The following NFIB variants were observed in gnomAD, a reference collection of about 807,000 sequenced individuals.
NFIB encodes nuclear factor I B.
Under a neutral mutation model 61.5 loss-of-function variants are expected in NFIB, and 11 were observed. The ratio of observed to expected loss-of-function variants is 0.18; its 90% CI spans 0.11 to 0.30. NFIB has a LOEUF of 0.30. Ranked by LOEUF, NFIB falls within the 10% of genes least tolerant of loss-of-function variation. The probability of loss-of-function intolerance (pLI) is 1.00; values close to 1 mark genes in which losing one functional copy is unlikely to be tolerated. For synonymous variants in NFIB, 260 were observed against 216.5 expected (o/e 1.20, Z -1.76); for missense variants, 471 against 608.9 (o/e 0.77, Z 2.38).
intron 6 of NFIB, among the ~76,000 whole-genome samples, chr9:14,130,424 C>T (rs1448611201): frequency 6.6e-6 from 1 of 152,142 alleles, no homozygotes; most frequent in African/African-American, 2.4e-5. Context: ...ACGCATAGAA[C>T]AATGTTTTAT....
the NFIB span, among the ~76,000 whole-genome samples, chr9:14,434,116 T>C: frequency 1.3e-5 from 2 of 152,224 alleles, no homozygotes; most frequent in Non-Finnish European, 2.9e-5. Flanking sequence ...ATTTTCTTAA[T>C]ATTTGGAAAG....
intron 1 of NFIB, among the ~76,000 whole-genome samples, chr9:14,338,330 G>T (rs949830951): frequency 6.6e-6 from 1 of 152,046 alleles, no homozygotes; most frequent in African/African-American, 2.4e-5. Flanking sequence ...GGAGGCGGAG[G>T]TTGCAGTGAG....
chr9:14,358,516 A>T (rs12376284), intron 1 of NFIB, among the ~76,000 whole-genome samples: 5,441 of 152,286 alleles, frequency 0.036, 141 homozygotes, highest in East Asian at 0.11. Context: ...AACTTTGCTG[A>T]AAGTTTTTTC....
At chr9:14,208,609 A>G (rs2049997811) in intron 2 of NFIB, among the ~76,000 whole-genome samples, 1 of 150,236 alleles carries the variant, frequency 6.7e-6, no homozygotes, top group Admixed American at 6.7e-5. Context: ...CTTTTGATAG[A>G]GTGGTATAAA....
At chr9:14,444,729 A>G in the NFIB span, among the ~76,000 whole-genome samples, 3 of 152,178 alleles carry the variant, frequency 2.0e-5, no homozygotes, top group African/African-American at 4.8e-5. Flanking sequence ...AAATTGTGAA[A>G]TATGTCAGAA....
chr9:14,447,819 C>G, the NFIB span, among the ~76,000 whole-genome samples: 36 of 152,214 alleles, frequency 2.4e-4, no homozygotes, highest in African/African-American at 8.7e-4. Context: ...TCATTTGTTT[C>G]AACAAATGAT....
chr9:14,400,255 A>G (rs2061729976), upstream of NFIB, among the ~76,000 whole-genome samples: 1 of 152,190 alleles, frequency 6.6e-6, no homozygotes, highest in Non-Finnish European at 1.5e-5. Context: ...CACTCAGTAA[A>G]TGCACAGGGA....
At chr9:14,377,254 T>G (rs2061430588) in intron 1 of NFIB, among the ~76,000 whole-genome samples, 1 of 152,206 alleles carries the variant, frequency 6.6e-6, no homozygotes, top group South Asian at 2.1e-4. Context: ...AGAGTCTCAC[T>G]CTGTTCCCAA....
the NFIB span, among the ~76,000 whole-genome samples, chr9:14,516,756 C>T: frequency 5.9e-5 from 9 of 152,292 alleles, no homozygotes; most frequent in African/African-American, 1.4e-4. Context: ...TGCCCTTAAT[C>T]CTTCTTTCAA....
intron 2 of NFIB, among the ~76,000 whole-genome samples, chr9:14,193,591 T>C (rs571209496): frequency 1.3e-5 from 2 of 152,132 alleles, no homozygotes; most frequent in East Asian, 3.9e-4. Flanking sequence ...ATAAGAAAAA[T>C]TACAAAATAA....
intron 2 of NFIB, among the ~76,000 whole-genome samples, chr9:14,289,273 C>T (rs1458783784): frequency 1.3e-5 from 2 of 150,540 alleles, no homozygotes; most frequent in Admixed American, 6.6e-5. Flanking sequence ...TATACATGTA[C>T]ATACATTAAT....
chr9:14,324,996 T>C (rs2060736512), intron 1 of NFIB, among the ~76,000 whole-genome samples: 1 of 152,110 alleles, frequency 6.6e-6, no homozygotes, highest in African/African-American at 2.4e-5. Context: ...TTATGGTCTT[T>C]TAATCTACAA....
At chr9:14,491,434 G>GA in the NFIB span, among the ~76,000 whole-genome samples, 6 of 152,170 alleles carry the variant, frequency 3.9e-5, no homozygotes, top group African/African-American at 9.6e-5. Context: ...GGAAGTGTGG[G>GA]AAAAAATCAT....
the NFIB span, among the ~76,000 whole-genome samples, chr9:14,406,441 A>T: frequency 1.3e-5 from 2 of 152,192 alleles, no homozygotes; most frequent in Admixed American, 6.5e-5. Flanking sequence ...TCTGGACCTG[A>T]TGGGGAAGAT....
chr9:14,455,539 C>T, the NFIB span, among the ~76,000 whole-genome samples: 2 of 152,028 alleles, frequency 1.3e-5, no homozygotes, highest in South Asian at 2.1e-4. Context: ...GAAAACAAAA[C>T]TTGTGGATTA....
intron 2 of NFIB, among the ~76,000 whole-genome samples, chr9:14,290,404 C>T (rs563669617): frequency 2.0e-5 from 3 of 152,158 alleles, no homozygotes; most frequent in South Asian, 2.1e-4. Flanking sequence ...AAGTATTGCA[C>T]GTCTACAATA....
chr9:14,473,625 G>T, the NFIB span, among the ~76,000 whole-genome samples: 1 of 152,128 alleles, frequency 6.6e-6, no homozygotes, highest in Non-Finnish European at 1.5e-5. Flanking sequence ...AGGCTATACT[G>T]CCTCTCTCCA....
intron 1 of NFIB, among the ~76,000 whole-genome samples, chr9:14,394,852 C>G (rs1439706991): frequency 6.6e-6 from 1 of 152,046 alleles, no homozygotes; most frequent in East Asian, 1.9e-4. Flanking sequence ...CATTGCAGTC[C>G]TTGTTTAAAA....
the NFIB span, among the ~76,000 whole-genome samples, chr9:14,427,942 T>TTTTTTTTG: frequency 0.017 from 1,353 of 77,834 alleles, 100 homozygotes; most frequent in Non-Finnish European, 0.021. Context: ...CAGTTGTTTT[T>TTTTTTTTG]TTTTTTTTTT....
Sources: allele counts gnomAD v4.1 joint callset (sites outside exome capture counted in the v4.1 genomes callset), GRCh38; gene constraint gnomAD v4.1.1; transcripts MANE v1.5; gene names NCBI Gene and HGNC (gene_info 2026-07-23, HGNC 2026-07-21).